TMTC1: variants seen among roughly 807,000 people sequenced by gnomAD.
TMTC1 encodes the protein protein O-mannosyl-transferase TMTC1.
TMTC1 carries 73 observed loss-of-function variants against 104.8 expected under a neutral mutation model. The ratio of observed to expected loss-of-function variants is 0.70; its 90% CI spans 0.58 to 0.85. The LOEUF (loss-of-function observed/expected upper bound fraction) is 0.85. Among genes scored for constraint, TMTC1 ranks in the 40% least tolerant of loss-of-function variants. The pLI is 0.00. For missense variants in TMTC1, 1,035 were observed against 1,096.1 expected (o/e 0.94, Z 0.79); for synonymous variants, 434 against 428.7 (o/e 1.01, Z -0.15).
chr12:29,664,160 C>T (rs566054235), intron 5 of TMTC1, among the ~76,000 whole-genome samples: 1 of 149,870 alleles, frequency 6.7e-6, no homozygotes, highest in South Asian at 2.1e-4. Context: ...GCACTCCAGC[C>T]TGGGCGACAG....
intron 6 of TMTC1, among the ~76,000 whole-genome samples, chr12:29,609,294 A>T (rs1325316498): frequency 6.6e-6 from 1 of 152,194 alleles, no homozygotes; most frequent in Non-Finnish European, 1.5e-5. Flanking sequence ...GAAGCTGATG[A>T]CAGTAAAGCT....
chr12:29,571,257 G>A (rs1171142242), intron 9 of TMTC1, among the ~76,000 whole-genome samples: 1 of 152,096 alleles, frequency 6.6e-6, no homozygotes, highest in African/African-American at 2.4e-5. Context: ...ATTGGAGATT[G>A]CCAGGCTATA....
chr12:29,564,067 C>G (rs1171794557), intron 9 of TMTC1, among the ~76,000 whole-genome samples: 1 of 151,852 alleles, frequency 6.6e-6, no homozygotes, highest in African/African-American at 2.4e-5. Flanking sequence ...GGAAAGGGTT[C>G]CAAGGAGAGA....
chr12:29,625,976 C>T lies in TMTC1; in HGVS notation c.1128+7171G>A, dbSNP rs554817256. ...CATATTCACCCCTAAATATTTCATG[C>T]GGCTGTTGAGCACAGTGCTTTTCAA... On this transcript the variant is annotated intron_variant, in intron 6 of 17. Coordinates refer to ENST00000539277, the MANE Select transcript of TMTC1 (RefSeq NM_001193451.2). 7.9e-5 allele frequency among the ~76,000 whole-genome samples: 12 copies of T among 152,266 alleles called. No individual in the cohort carries two copies. In the South Asian group the frequency reaches 1.0e-3, roughly 13 times the overall value.
chr12:29,736,952 C>T (rs1444622226), intron 5 of TMTC1, among the ~76,000 whole-genome samples: 3 of 152,238 alleles, frequency 2.0e-5, no homozygotes, highest in Non-Finnish European at 2.9e-5. Context: ...AACCATCCAA[C>T]GTAACATTCA....
At chr12:29,774,982 C>T (rs1943675282) in intron 1 of TMTC1, among the ~76,000 whole-genome samples, 1 of 151,966 alleles carries the variant, frequency 6.6e-6, no homozygotes, top group Admixed American at 6.6e-5. Context: ...GGAAAGCTGC[C>T]CCATGGGAAG....
chr12:29,757,735 C>T (rs1406597426), intron 3 of TMTC1, among the ~76,000 whole-genome samples: 1 of 152,164 alleles, frequency 6.6e-6, no homozygotes, highest in East Asian at 1.9e-4. Flanking sequence ...CACAGTTCCA[C>T]ATGGCTGGGG....
At chr12:29,743,835 G>A (rs1418626563) in intron 5 of TMTC1, among the ~76,000 whole-genome samples, 1 of 152,176 alleles carries the variant, frequency 6.6e-6, no homozygotes, top group Non-Finnish European at 1.5e-5. Flanking sequence ...GTTGATAGTA[G>A]CATGAACTAA....
At chr12:29,630,440 T>C (rs1336969045) in intron 6 of TMTC1, among the ~76,000 whole-genome samples, 6 of 152,136 alleles carry the variant, frequency 3.9e-5, no homozygotes, top group Non-Finnish European at 5.9e-5. Flanking sequence ...ACTGCCCCCA[T>C]GAGTCAATTA....
intron 5 of TMTC1, among the ~76,000 whole-genome samples, chr12:29,713,548 A>G (rs1205973919): frequency 1.3e-5 from 2 of 152,050 alleles, no homozygotes; most frequent in African/African-American, 4.8e-5. Context: ...TTCATTACAC[A>G]ATATTCTGAA....
At chr12:29,712,323 T>A (rs1320965032) in intron 5 of TMTC1, among the ~76,000 whole-genome samples, 1 of 152,200 alleles carries the variant, frequency 6.6e-6, no homozygotes, top group African/African-American at 2.4e-5. Flanking sequence ...AACCACAACA[T>A]GTGCTGTCTT....
At chr12:29,593,971 C>T (rs1298661929) in intron 7 of TMTC1, among the ~76,000 whole-genome samples, 1 of 152,208 alleles carries the variant, frequency 6.6e-6, no homozygotes, top group East Asian at 1.9e-4. Context: ...ACTTAAAAAT[C>T]CATCAATCCA....
At chr12:29,519,311 A>C (rs1462612527) in intron 12 of TMTC1, 1 of 152,212 alleles carries the variant, frequency 6.6e-6, no homozygotes, top group Admixed American at 6.5e-5. Flanking sequence ...TATTTAAAAA[A>C]CCACACACAA....
At chr12:29,765,003 A>G (rs1453081872) in intron 2 of TMTC1, among the ~76,000 whole-genome samples, 9 of 152,162 alleles carry the variant, frequency 5.9e-5, no homozygotes, top group African/African-American at 2.2e-4. Flanking sequence ...ATTGTCCCCA[A>G]TATGCTCTAA....
intron 5 of TMTC1, among the ~76,000 whole-genome samples, chr12:29,661,645 A>C (rs999101495): frequency 2.0e-4 from 30 of 149,194 alleles, no homozygotes; most frequent in Admixed American, 6.0e-4. Context: ...CATGTTGGCC[A>C]GGCTGGTCTT....
At chr12:29,564,402 A>T (rs1320996556) in intron 9 of TMTC1, among the ~76,000 whole-genome samples, 2 of 152,086 alleles carry the variant, frequency 1.3e-5, no homozygotes, top group African/African-American at 4.8e-5. Flanking sequence ...GGGTCCTGAG[A>T]ACTCTTCCAT....
At chr12:29,701,263 G>A (rs1268366302) in intron 5 of TMTC1, among the ~76,000 whole-genome samples, 1 of 152,132 alleles carries the variant, frequency 6.6e-6, no homozygotes, top group Non-Finnish European at 1.5e-5. Flanking sequence ...TTCCTGCTGC[G>A]GGAGTAAGAT....
At chr12:29,750,196 C>T (rs889539173) in intron 5 of TMTC1, among the ~76,000 whole-genome samples, 10 of 152,014 alleles carry the variant, frequency 6.6e-5, no homozygotes, top group Non-Finnish European at 1.5e-4. Flanking sequence ...TGCCCTCACC[C>T]CTTCTCCTCC....
At chr12:29,707,439 C>A (rs546268267) in intron 5 of TMTC1, among the ~76,000 whole-genome samples, 1 of 152,190 alleles carries the variant, frequency 6.6e-6, no homozygotes, top group Non-Finnish European at 1.5e-5. Context: ...GCATCTCCCC[C>A]GCCTCTGCTC....
Sources: allele counts gnomAD v4.1 joint callset (sites outside exome capture counted in the v4.1 genomes callset), GRCh38; gene constraint gnomAD v4.1.1; transcripts MANE v1.5; gene names NCBI Gene and HGNC (gene_info 2026-07-23, HGNC 2026-07-21).